The following NAP1L4 variants were observed in gnomAD, a reference collection of about 807,000 sequenced individuals.
The protein encoded by NAP1L4 is nucleosome assembly protein 1 like 4.
In NAP1L4, 15 loss-of-function variants were observed where a neutral mutation model predicts 58.2. The ratio of observed to expected loss-of-function variants is 0.26; its 90% CI spans 0.17 to 0.40. The LOEUF is 0.40. Ranked by LOEUF, NAP1L4 falls within the 10% of genes least tolerant of loss-of-function variation. The probability of loss-of-function intolerance (pLI) is 1.00; values close to 1 mark genes in which losing one functional copy is unlikely to be tolerated. For missense variants in NAP1L4, 384 were observed against 451.1 expected, an observed-to-expected ratio of 0.85 and a Z score of 1.35; for synonymous variants, 171 against 155.6, an observed-to-expected ratio of 1.10 and a Z score of -0.74.
chr11:2,957,813 C>A (rs547485949), intron 10 of NAP1L4, among the ~76,000 whole-genome samples: 1 of 152,316 alleles, frequency 6.6e-6, no homozygotes, highest in African/African-American at 2.4e-5. Flanking sequence ...AAATGAAAGT[C>A]CCAACTACTT....
At chr11:2,990,084 C>T (rs1848864418) in intron 1 of NAP1L4, 1 of 151,972 alleles carries the variant, frequency 6.6e-6, no homozygotes, top group Non-Finnish European at 1.5e-5. Context: ...TTTTGAAAAA[C>T]AGTACCGGAT....
rs1385621019 is a variant in NAP1L4, at chr11:2,949,957, A to G, written c.1123-693T>C. On this transcript the variant is annotated intron_variant, in intron 14 of 15. Transcript: ENST00000380542. This position sits in a 1 kb window ranked among gnomAD's most constrained non-coding sequence, Gnocchi z 4.0. ...TCCTTGCTTTACAACTGCAACCTTAAAAGTGTCCATTCAGCGCCCACAAGG... is the reference window on the plus strand; with the variant it reads ...TCCTTGCTTTACAACTGCAACCTTAGAAGTGTCCATTCAGCGCCCACAAGG... Among the ~76,000 whole-genome samples, 2 of 152,226 alleles carry G rather than the reference A, an allele frequency of 1.3e-5. No individual in the cohort carries two copies. The highest frequency in any genetic ancestry group is 2.1e-4 in the South Asian group (1 of 4,832).
rs1340608022 is a variant in NAP1L4 at position 2,955,943 on chromosome 11, C to T, written c.893-177G>A. Among the ~76,000 whole-genome samples the T allele has an allele frequency of 6.6e-6, 1 of 152,204 alleles. No homozygotes were observed. Among genetic ancestry groups the T allele is most frequent in the Non-Finnish European group, 1.5e-5 (1 of 68,036 alleles). The stretch of plus-strand genomic sequence containing the variant: ...CAGACATCTTTGCAAGCTCCATCCA[C>T]CACTTCTGAAGCTGGCCTGAGTGCC... On this transcript the variant is annotated intron_variant, in intron 10 of 15. Coordinates refer to ENST00000380542, the MANE Select transcript of NAP1L4 (RefSeq NM_005969.4). The surrounding 1 kb of genome is among the most constrained non-coding windows in gnomAD (Gnocchi z 4.2).
chr11:2,973,646 T>C (rs1266010444), intron 4 of NAP1L4, among the ~76,000 whole-genome samples: 1 of 152,096 alleles, frequency 6.6e-6, no homozygotes, highest in Non-Finnish European at 1.5e-5. Flanking sequence ...GCAAAGACTC[T>C]CAAATAATGC....
At chr11:2,975,046 T>A (rs1487270172) in intron 4 of NAP1L4, among the ~76,000 whole-genome samples, 1 of 151,612 alleles carries the variant, frequency 6.6e-6, no homozygotes, top group East Asian at 1.9e-4. Flanking sequence ...CTTGTCGTAA[T>A]AGCCCTGGCA....
intron 1 of NAP1L4, among the ~76,000 whole-genome samples, chr11:2,986,190 G>A (rs1359998145): frequency 1.3e-5 from 2 of 152,016 alleles, no homozygotes; most frequent in Admixed American, 6.5e-5. Flanking sequence ...CCTGGCCAAC[G>A]TGGTGAAATT....
intron 7 of NAP1L4, among the ~76,000 whole-genome samples, chr11:2,966,412 A>G (rs1379399264): frequency 2.1e-5 from 1 of 48,296 alleles, no homozygotes; most frequent in Non-Finnish European, 3.8e-5. Flanking sequence ...TCTGTATCTG[A>G]TAACAGACCT....
chr11:2,964,705 T>G lies in NAP1L4; in HGVS notation c.581A>C (p.Lys194Thr), dbSNP rs1292451657. The change falls in exon 8 of 16, where the codon AAA becomes ACA. Residue 194 changes from lysine (K) to threonine (T), a missense_variant. By Grantham distance (78) the Lys-to-Thr change is moderately conservative. Transcript: ENST00000380542. ...CATAGGCTGTCCAGGGTCAGAAAAT[T>G]TCACTTTAATATCCTGCAGGTGTTT... ...ILKHLQDIKV[K>T]FSDPGQPMSF... is the part of the protein sequence containing the mutation. The G allele has an allele frequency of 1.2e-6, 2 of 1,613,956 alleles. No individual in the cohort carries two copies.
intron 3 of NAP1L4, among the ~76,000 whole-genome samples, chr11:2,976,332 G>A (rs1259888601): frequency 6.6e-6 from 1 of 152,162 alleles, no homozygotes; most frequent in Admixed American, 6.5e-5. Flanking sequence ...ATCACCTGAT[G>A]GGTAGTTACA....
chr11:2,967,583 C>G (rs902602441), intron 7 of NAP1L4, among the ~76,000 whole-genome samples: 2 of 149,540 alleles, frequency 1.3e-5, no homozygotes, highest in African/African-American at 5.0e-5. Flanking sequence ...TGCACTCCAG[C>G]CTGGGCGACA....
rs1033558836 is a variant in NAP1L4 at position 2,955,585 on chromosome 11, C to T, written c.915+159G>A. 2.6e-5 allele frequency among the ~76,000 whole-genome samples: 4 copies of T among 152,024 alleles called. No individual in the cohort carries two copies. Among genetic ancestry groups the T allele is most frequent in the Non-Finnish European group, 5.9e-5 (4 of 68,008 alleles). ...CAGGCTGGTCTCAAACTCCTGGACT[C>T]GTGCAGTCCTCCCACCTCAGCCTCC... On this transcript the variant is annotated intron_variant, in intron 11 of 15. Coordinates refer to ENST00000380542, the MANE Select transcript of NAP1L4 (RefSeq NM_005969.4). This position sits in a 1 kb window ranked among gnomAD's most constrained non-coding sequence, Gnocchi z 4.2.
At chr11:2,990,011 A>G (rs1381542281) in intron 1 of NAP1L4, 1 of 152,266 alleles carries the variant, frequency 6.6e-6, no homozygotes, top group East Asian at 1.9e-4. Context: ...CTTAAAAATG[A>G]TTAAAATTTA....
chr11:2,951,461 A>G lies in NAP1L4; in HGVS notation c.1066-146T>C. On this transcript the variant is annotated intron_variant, in intron 13 of 15. Transcript: ENST00000380542. This position sits in a 1 kb window ranked among gnomAD's most constrained non-coding sequence, Gnocchi z 4.0. ...AAGTGACTCATCACTTCCTTTGGACACTTAGAATTATTTCTAGGTATCTTT... is the reference window on the plus strand; with the variant it reads ...AAGTGACTCATCACTTCCTTTGGACGCTTAGAATTATTTCTAGGTATCTTT... 1.4e-6 allele frequency: 1 copy of G among 732,902 alleles called. No individual in the cohort carries two copies. Among genetic ancestry groups the G allele is most frequent in the Non-Finnish European group, 2.4e-6 (1 of 422,358 alleles). 45.4% of individuals were successfully genotyped at this position (732,902 alleles called of 1,614,324 possible). A position where few individuals can be genotyped will look rare whatever the true frequency, so the allele number is the denominator to read the frequency against.
Position 2,954,345 on chromosome 11 carries a change from T to G in NAP1L4, c.1035+182A>C. 1.1e-6 allele frequency: 1 copy of G among 909,546 alleles called. No homozygotes were observed. The highest frequency in any genetic ancestry group is 1.7e-6 in the Non-Finnish European group (1 of 581,928). 56.3% of individuals were successfully genotyped at this position (909,546 alleles called of 1,614,324 possible). A position where few individuals can be genotyped will look rare whatever the true frequency, so the allele number is the denominator to read the frequency against. On this transcript the variant is annotated intron_variant, in intron 12 of 15. Coordinates refer to ENST00000380542, the MANE Select transcript of NAP1L4 (RefSeq NM_005969.4). This position sits in a 1 kb window ranked among gnomAD's most constrained non-coding sequence, Gnocchi z 4.8. ...ACACCTGCTTTTCCTGCTCTGTTCCTCAGACTTCTCCTCTTCAAGCGTATT... is the reference window on the plus strand; with the variant it reads ...ACACCTGCTTTTCCTGCTCTGTTCCGCAGACTTCTCCTCTTCAAGCGTATT...
In NAP1L4 at chr11:2,945,046, T is replaced by TA. The variant is rs75045553; in HGVS notation, c.*632dup. ...GTGTGTCACAACCCTGACCCACCCC[T>TA]AAAAAAAAAAAAAAATCAAGAAGCA... On this transcript the variant is annotated 3_prime_UTR_variant, in exon 16 of 16. Transcript: ENST00000380542. 2,041 of 130,112 alleles carry TA rather than the reference T, an allele frequency of 0.016. 36 individuals are homozygous for TA. The highest frequency in any genetic ancestry group is 0.05 in the African/African-American group (1,736 of 35,032). The allele number at this position is 130,112 out of a possible 1,614,324, so 8.1% of individuals were successfully genotyped here.
At position 2,949,675 on chromosome 11, in the gene NAP1L4, G is replaced by T. The variant is rs192515093; in HGVS notation, c.1123-411C>A. Among the ~76,000 whole-genome samples, 2 of 152,292 alleles carry T rather than the reference G, an allele frequency of 1.3e-5. No homozygotes were observed. The highest frequency in any genetic ancestry group is 3.9e-4 in the East Asian group (2 of 5,184). The stretch of plus-strand genomic sequence containing the variant: ...CAACCAACATAACCGTTTATCAAAG[G>T]TTTCATGGGGTGTTAGCATGTGTAA... On this transcript the variant is annotated intron_variant, in intron 14 of 15. Coordinates refer to ENST00000380542, the MANE Select transcript of NAP1L4 (RefSeq NM_005969.4). This position sits in a 1 kb window ranked among gnomAD's most constrained non-coding sequence, Gnocchi z 4.0.
In NAP1L4 at chr11:2,954,226, G is replaced by C. The variant is rs1249709651; in HGVS notation, c.1035+301C>G. 10 of 449,824 alleles carry C rather than the reference G, an allele frequency of 2.2e-5. No individual in the cohort carries two copies. The highest frequency in any genetic ancestry group is 7.3e-5 in the Admixed American group (2 of 27,350). The allele number at this position is 449,824 out of a possible 1,614,324, so 27.9% of individuals were successfully genotyped here. The stretch of plus-strand genomic sequence containing the variant: ...AAAGAGATATTCCCTGTGTTCACAA[G>C]TTCCCTGAAGCTTAGGTTTTGAGAG... On this transcript the variant is annotated intron_variant, in intron 12 of 15. Transcript: ENST00000380542. This position sits in a 1 kb window ranked among gnomAD's most constrained non-coding sequence, Gnocchi z 4.8.
Position 2,988,874 on chromosome 11 carries a change from T to C in NAP1L4, c.-18+3380A>G, listed in dbSNP as rs545413342. 2.6e-5 allele frequency among the ~76,000 whole-genome samples: 4 copies of C among 152,324 alleles called. No homozygotes were observed. The South Asian group carries it at 8.3e-4, about 32-fold the overall frequency. ...TCATACTATAAAAACACAATGCCTC[T>C]GTTACTAAATGCAAAATGTAAAGCT... On this transcript the variant is annotated intron_variant, in intron 1 of 15. Transcript: ENST00000380542.
At position 2,959,997 on chromosome 11, in the gene NAP1L4, CTATT is replaced by C. The variant is rs1846767196; in HGVS notation, c.607-92_607-89del. ...TGGAGTACACAACACTTACTAGAAG[CTATT>C]TTGGGAAAGCTCAACAGATAGGGCC... is the stretch of plus-strand genomic sequence containing the variant. On this transcript the variant is annotated intron_variant, in intron 8 of 15. Transcript: ENST00000380542. This position sits in a 1 kb window ranked among gnomAD's most constrained non-coding sequence, Gnocchi z 4.9. 7.3e-7 allele frequency: 1 copy of C among 1,366,194 alleles called. No homozygotes were observed. The highest frequency in any genetic ancestry group is 2.5e-5 in the East Asian group (1 of 39,494). The allele number at this position is 1,366,194 out of a possible 1,614,324, so 84.6% of individuals were successfully genotyped here.
Sources: allele counts gnomAD v4.1 joint callset (sites outside exome capture counted in the v4.1 genomes callset), GRCh38; gene constraint gnomAD v4.1.1; non-coding constraint Gnocchi (gnomAD v3.1); transcripts MANE v1.5; gene names NCBI Gene and HGNC (gene_info 2026-07-23, HGNC 2026-07-21).